The following WNT8B variants were observed in gnomAD, a reference collection of about 807,000 sequenced individuals.
The protein encoded by WNT8B is Wnt family member 8B.
In WNT8B, 24 loss-of-function variants were observed where a neutral mutation model predicts 36.6. The ratio of observed to expected loss-of-function variants is 0.66; its 90% CI spans 0.48 to 0.92. The LOEUF (loss-of-function observed/expected upper bound fraction) is 0.92, where lower values mean the gene tolerates loss of function less well. Among genes scored for constraint, WNT8B ranks in the 40% least tolerant of loss-of-function variants. The pLI, the probability that WNT8B is intolerant of heterozygous loss-of-function variation, is 0.00. For missense variants in WNT8B, 402 were observed against 470.8 expected (o/e 0.85, Z 1.35); for synonymous variants, 199 against 189.8 (o/e 1.05, Z -0.40).
intron 1 of WNT8B, among the ~76,000 whole-genome samples, chr10:100,476,843 C>A (rs1323615470): frequency 6.6e-6 from 1 of 152,174 alleles, no homozygotes; most frequent in Admixed American, 6.5e-5. Context: ...CCAACCTCCC[C>A]CAGTGTGAAC....
intron 1 of WNT8B, among the ~76,000 whole-genome samples, chr10:100,470,669 C>T (rs1850966153): frequency 6.6e-6 from 1 of 152,154 alleles, no homozygotes; most frequent in African/African-American, 2.4e-5. Context: ...AGATGAAAGT[C>T]CTGGGTGGTA....
intron 1 of WNT8B, among the ~76,000 whole-genome samples, chr10:100,475,759 G>C (rs190539947): frequency 4.7e-4 from 72 of 152,312 alleles, no homozygotes; most frequent in African/African-American, 1.7e-3. Flanking sequence ...AACATAAAAA[G>C]TGCCTTTCTG....
At chr10:100,464,958 C>T (rs1850894363) in intron 1 of WNT8B, among the ~76,000 whole-genome samples, 1 of 152,110 alleles carries the variant, frequency 6.6e-6, no homozygotes, top group South Asian at 2.1e-4. Flanking sequence ...GTCATCTTCC[C>T]CTTTATGCCA....
chr10:100,466,178 T>C (rs1004398645), intron 1 of WNT8B, among the ~76,000 whole-genome samples: 13 of 150,906 alleles, frequency 8.6e-5, no homozygotes, highest in African/African-American at 3.2e-4. Flanking sequence ...GTTAAAGAAA[T>C]AAAAAGTAAG....
At position 100,482,187 on chromosome 10, in the gene WNT8B, CTA is replaced by C. The variant is rs1851122205; in HGVS notation, c.511-83_511-82del. 6.5e-7 allele frequency: 1 copy of C among 1,535,618 alleles called. No homozygotes were observed. Among genetic ancestry groups the C allele is most frequent in the Admixed American group, 1.9e-5 (1 of 52,368 alleles). ...CAAGTGGGCTGGCCCAGTAGACTAA[CTA>C]GACTTCTCGCAACTCCCACAGGGGC... On this transcript the variant is annotated intron_variant, in intron 5 of 5. Coordinates refer to ENST00000343737, the MANE Select transcript of WNT8B (RefSeq NM_003393.4). This position sits in a 1 kb window ranked among gnomAD's most constrained non-coding sequence, Gnocchi z 6.6.
chr10:100,466,665 G>A (rs1822829787), intron 1 of WNT8B, among the ~76,000 whole-genome samples: 1 of 151,910 alleles, frequency 6.6e-6, no homozygotes, highest in African/African-American at 2.4e-5. Context: ...TCTCCTTTGT[G>A]TGCTATTACA....
Position 100,476,020 on chromosome 10 carries a change from G to A in WNT8B, c.69-3032G>A, listed in dbSNP as rs193248841. On this transcript the variant is annotated intron_variant, in intron 1 of 5. Transcript: ENST00000343737. ...AAAGTAGGCCTTGGTGGCTGGGCGC[G>A]GTGGCTCACGCCTGTAATCCCAGCA... is the stretch of plus-strand genomic sequence containing the variant. 1.1e-4 allele frequency among the ~76,000 whole-genome samples: 17 copies of A among 152,184 alleles called. No homozygotes were observed. In the East Asian group the frequency reaches 2.9e-3, roughly 26 times the overall value.
Position 100,463,147 on chromosome 10 carries a change from C to T in WNT8B, c.-22C>T, listed in dbSNP as rs1046607017. The T allele has an allele frequency of 6.2e-7, 1 of 1,611,736 alleles. No homozygotes were observed. The highest frequency in any genetic ancestry group is 8.5e-7 in the Non-Finnish European group (1 of 1,178,738). On this transcript the variant is annotated 5_prime_UTR_variant, in exon 1 of 6. Coordinates refer to ENST00000343737, the MANE Select transcript of WNT8B (RefSeq NM_003393.4). Reference sequence around the variant, plus strand: ...ATCTCCCAGTTTTTTGGAATTTTCTCTAGCTGTTACTCCAGAGGATTATGT... The same window carrying T: ...ATCTCCCAGTTTTTTGGAATTTTCTTTAGCTGTTACTCCAGAGGATTATGT...
chr10:100,479,860 C>T lies in WNT8B; in HGVS notation c.103-14C>T. ...CTAAGTTCAGTCTGAATTTTTACCC[C>T]TATGTCCCTACAGGCTTACCTGATT... On this transcript the variant is annotated splice_polypyrimidine_tract_variant and intron_variant, in intron 2 of 5. Coordinates refer to ENST00000343737, the MANE Select transcript of WNT8B (RefSeq NM_003393.4). 6.2e-7 allele frequency: 1 copy of T among 1,613,416 alleles called. No homozygotes were observed. The highest frequency in any genetic ancestry group is 8.5e-7 in the Non-Finnish European group (1 of 1,179,610).
In WNT8B at chr10:100,483,624, A is replaced by T. The variant is rs752232216; in HGVS notation, c.*808A>T. 2.6e-5 allele frequency: 4 copies of T among 152,188 alleles called. No individual in the cohort carries two copies. Among genetic ancestry groups the T allele is most frequent in the Non-Finnish European group, 4.4e-5 (3 of 68,046 alleles). 9.4% of individuals were successfully genotyped at this position (152,188 alleles called of 1,614,324 possible). On this transcript the variant is annotated 3_prime_UTR_variant, in exon 6 of 6. Transcript: ENST00000343737. The stretch of plus-strand genomic sequence containing the variant: ...TAAAGGTAACTTCTCCCTTCTCCTG[A>T]CCTACTTCCTCCTAGCAACCAACTT...
chr10:100,482,254 C>T lies in WNT8B; in HGVS notation c.511-17C>T. 4.5e-6 allele frequency: 7 copies of T among 1,570,646 alleles called. No homozygotes were observed. Among genetic ancestry groups the T allele is most frequent in the Non-Finnish European group, 5.2e-6 (6 of 1,163,594 alleles). ...CGCGCTTAATCCGGGGCCTCTCACT[C>T]CTAGCTCTCTCCCCAGGCGGTGAAG... On this transcript the variant is annotated splice_polypyrimidine_tract_variant and intron_variant, in intron 5 of 5. Transcript: ENST00000343737. The surrounding 1 kb of genome is among the most constrained non-coding windows in gnomAD (Gnocchi z 6.6).
chr10:100,482,901 A>T lies in WNT8B; in HGVS notation c.*85A>T. 1 of 1,376,990 alleles carries T rather than the reference A, an allele frequency of 7.3e-7. No individual in the cohort carries two copies. The allele number at this position is 1,376,990 out of a possible 1,614,324, so 85.3% of individuals were successfully genotyped here. On this transcript the variant is annotated 3_prime_UTR_variant, in exon 6 of 6. Transcript: ENST00000343737. The surrounding 1 kb of genome is among the most constrained non-coding windows in gnomAD (Gnocchi z 6.6). ...AATTGTGGAACCTAGGGAATGGGGA[A>T]CCCGCTCTCCCAGACCTAGGGATCC... is the stretch of plus-strand genomic sequence containing the variant.
In WNT8B at chr10:100,482,666, G is replaced by C. The variant is rs778307275; in HGVS notation, c.906G>C (p.Arg302=). Reference sequence around the variant, plus strand: ...GCGGGCTGGCGGTGGAGGAGCGCCGGGCCGAGACCGTGTCCAGCTGCAACT... The same window carrying C: ...GCGGGCTGGCGGTGGAGGAGCGCCGCGCCGAGACCGTGTCCAGCTGCAACT... ...GDCGLAVEER[R]AETVSSCNCK... Residue 302 remains arginine (R), a synonymous_variant, in exon 6 of 6, where the codon CGG becomes CGC. Transcript: ENST00000343737. This position sits in a 1 kb window ranked among gnomAD's most constrained non-coding sequence, Gnocchi z 6.6. 6.2e-7 allele frequency: 1 copy of C among 1,608,406 alleles called. No homozygotes were observed. The highest frequency in any genetic ancestry group is 1.1e-5 in the South Asian group (1 of 90,906).
intron 1 of WNT8B, among the ~76,000 whole-genome samples, chr10:100,466,150 A>T (rs981686056): frequency 6.6e-6 from 1 of 152,102 alleles, no homozygotes; most frequent in Non-Finnish European, 1.5e-5. Context: ...ATCCTCAAAG[A>T]CGCTGGGAAT....
intron 1 of WNT8B, among the ~76,000 whole-genome samples, chr10:100,470,662 T>C (rs186154465): frequency 6.6e-6 from 1 of 152,224 alleles, no homozygotes; most frequent in Non-Finnish European, 1.5e-5. Flanking sequence ...GGCACTAAGA[T>C]GAAAGTCCTG....
At chr10:100,467,742 TG>T (rs1473742194) in intron 1 of WNT8B, among the ~76,000 whole-genome samples, 1 of 152,230 alleles carries the variant, frequency 6.6e-6, no homozygotes, top group Non-Finnish European at 1.5e-5. Flanking sequence ...TAATTGGTTT[TG>T]TTTTAAAATT....
chr10:100,482,470 C>A lies in WNT8B; in HGVS notation c.710C>A (p.Thr237Asn). 7 of 1,603,828 alleles carry A rather than the reference C, an allele frequency of 4.4e-6. No homozygotes were observed. The South Asian group carries it at 7.7e-5, about 18-fold the overall frequency. Residue 237 changes from threonine to asparagine, a missense_variant, in exon 6 of 6, where the codon ACC (threonine) becomes AAC (asparagine). Transcript: ENST00000343737. The surrounding 1 kb of genome is among the most constrained non-coding windows in gnomAD (Gnocchi z 6.6). ...SAAGRGAIADTFRSISTRELV... is the reference protein window; with the variant it reads ...SAAGRGAIADNFRSISTRELV... ...GCCGGCCGCGGCGCCATCGCCGACA[C>A]CTTTCGCTCCATCTCTACCCGGGAG...
At chr10:100,479,530 TG>T (rs1375194742) in intron 2 of WNT8B, among the ~76,000 whole-genome samples, 1 of 152,222 alleles carries the variant, frequency 6.6e-6, no homozygotes, top group Non-Finnish European at 1.5e-5. Context: ...TTAGGTGATT[TG>T]GGCTCATTTT....
chr10:100,466,106 T>G (rs1241606845), intron 1 of WNT8B, among the ~76,000 whole-genome samples: 2 of 151,918 alleles, frequency 1.3e-5, no homozygotes, highest in African/African-American at 2.4e-5. Flanking sequence ...CAAGTGAAGA[T>G]CCACTAAAAC....
Sources: gnomAD v4.1 joint callset for allele counts (sites outside exome capture counted in the v4.1 genomes callset) on GRCh38, gnomAD v4.1.1 for gene constraint, Gnocchi (gnomAD v3.1) non-coding constraint, MANE v1.5 for transcripts, NCBI Gene and HGNC (gene_info 2026-07-23, HGNC 2026-07-21) for gene names.